DMD: variants seen among roughly 807,000 people sequenced by gnomAD.
DMD encodes dystrophin.
In DMD, 63 loss-of-function variants were observed where a neutral mutation model predicts 330.1. The observed-to-expected ratio is 0.19, with a 90% CI of 0.16 to 0.24. The LOEUF is 0.24. Among genes scored for constraint, DMD ranks in the 10% least tolerant of loss-of-function variants. The pLI, the probability that DMD is intolerant of heterozygous loss-of-function variation, is 1.00. For missense variants in DMD, 3,344 were observed against 2,684.1 expected, an observed-to-expected ratio of 1.25 and a Z score of -5.43; for synonymous variants, 1,223 against 959.8, an observed-to-expected ratio of 1.27 and a Z score of -5.07.
At chrX:31,541,422 T>C (rs939816012) in intron 55 of DMD, among the ~76,000 whole-genome samples, 1 of 109,621 alleles carries the variant, frequency 9.1e-6, no homozygotes, top group East Asian at 2.9e-4. Context: ...ATGTGCCATG[T>C]TGGTGTGCTG....
chrX:31,276,554 AAC>A lies in DMD; in HGVS notation c.9225-15540_9225-15539del, dbSNP rs776462887. The stretch of plus-strand genomic sequence containing the variant: ...TGTTTGGAAGAATGTACAGAAGCTG[AAC>A]ACACACAGACCCTATAACCCAGAAA... On this transcript the variant is annotated intron_variant, in intron 62 of 78. Coordinates refer to ENST00000357033, the MANE Select transcript of DMD (RefSeq NM_004006.3). Among the ~76,000 whole-genome samples the A allele has an allele frequency of 8.9e-5, 10 of 112,310 alleles. No individual in the cohort carries two copies. In the East Asian group the frequency reaches 2.8e-3, roughly 31 times the overall value.
In DMD at chrX:31,521,604, A is replaced by T. The variant is rs1056331700; in HGVS notation, c.8218-14151T>A. 4.5e-5 allele frequency among the ~76,000 whole-genome samples: 5 copies of T among 112,153 alleles called. No individual in the cohort carries two copies. In the East Asian group the frequency reaches 8.4e-4, roughly 19 times the overall value. On this transcript the variant is annotated intron_variant, in intron 55 of 78. Transcript: ENST00000357033. The stretch of plus-strand genomic sequence containing the variant: ...AGCCTCATGGTGACCCAAACAGAGA[A>T]TTGTTAACTAAGTCATGTCCATAGT...
Position 31,133,981 on chromosome X carries a change from C to T in DMD, c.11014+121G>A. 6.6e-6 allele frequency: 4 copies of T among 605,303 alleles called. No homozygotes were observed. In the South Asian group the frequency reaches 9.8e-5, roughly 15 times the overall value. The allele number at this position is 605,303 out of a possible 1,213,427, so 49.9% of individuals were successfully genotyped here. ...AAATCAAATCTTTTCACCATGGACC[C>T]AAATTGCCATTCTGATACTGCGTGT... On this transcript the variant is annotated intron_variant, in intron 77 of 78. Transcript: ENST00000357033.
chrX:32,699,573 C>A (rs1485723127), intron 7 of DMD, among the ~76,000 whole-genome samples: 2 of 111,501 alleles, frequency 1.8e-5, no homozygotes, highest in Non-Finnish European at 1.9e-5. Flanking sequence ...GCCAAACTAG[C>A]CCATCTAACA....
chrX:31,231,277 T>G (rs1407534124), intron 63 of DMD, among the ~76,000 whole-genome samples: 1 of 110,934 alleles, frequency 9.0e-6, no homozygotes, highest in Non-Finnish European at 1.9e-5. Flanking sequence ...TATATTATTT[T>G]AAATACATTT....
At chrX:33,075,007 T>C (rs185152421) in intron 1 of DMD, among the ~76,000 whole-genome samples, 98 of 111,715 alleles carry the variant, frequency 8.8e-4, no homozygotes, top group African/African-American at 2.9e-3. Flanking sequence ...GCTAGGAGGA[T>C]AGGGGAAACT....
intron 68 of DMD, among the ~76,000 whole-genome samples, chrX:31,181,128 A>C (rs957353116): frequency 6.2e-5 from 7 of 112,066 alleles, no homozygotes; most frequent in Non-Finnish European, 1.1e-4. Flanking sequence ...GATTAGATGG[A>C]AGAATTTATA....
At chrX:32,680,154 C>A (rs937364476) in intron 9 of DMD, among the ~76,000 whole-genome samples, 1 of 108,745 alleles carries the variant, frequency 9.2e-6, no homozygotes, top group Non-Finnish European at 1.9e-5. Flanking sequence ...ACTCATGATC[C>A]GCCTGCTTCG....
At chrX:32,645,227 C>A in intron 9 of DMD, 75 bp from the exon 10 acceptor site, 3 of 1,063,049 alleles carry the variant, frequency 2.8e-6, no homozygotes, top group Non-Finnish European at 2.6e-6. Context: ...AATGATGAAT[C>A]GAATGAAATA....
intron 55 of DMD, among the ~76,000 whole-genome samples, chrX:31,560,286 C>T (rs1392165201): frequency 8.9e-6 from 1 of 111,800 alleles, no homozygotes; most frequent in African/African-American, 3.3e-5. Flanking sequence ...TATGTCAAGG[C>T]TTCAATCACA....
At chrX:32,260,553 T>A (rs375288304) in intron 43 of DMD, among the ~76,000 whole-genome samples, 18 of 111,678 alleles carry the variant, frequency 1.6e-4, no homozygotes, top group Non-Finnish European at 3.2e-4. Context: ...TCCTAATTTA[T>A]GCCAATTACA....
chrX:32,268,223 G>C (rs180896032), intron 43 of DMD, among the ~76,000 whole-genome samples: 2 of 111,318 alleles, frequency 1.8e-5, no homozygotes, highest in African/African-American at 6.6e-5. Flanking sequence ...GGACACTCCA[G>C]GGTACTCTGG....
intron 1 of DMD, among the ~76,000 whole-genome samples, chrX:33,141,045 T>G: frequency 8.9e-6 from 1 of 111,948 alleles, no homozygotes; most frequent in Middle Eastern, 4.6e-3. Context: ...ACATTTTAAG[T>G]GATATAAATC....
At chrX:33,078,021 G>T (rs1257330439) in intron 1 of DMD, among the ~76,000 whole-genome samples, 1 of 111,893 alleles carries the variant, frequency 8.9e-6, no homozygotes, top group Non-Finnish European at 1.9e-5. Context: ...GGCTTTGATG[G>T]AACTCTGTTC....
chrX:31,971,868 A>G (rs1308465511), intron 44 of DMD, among the ~76,000 whole-genome samples: 1 of 111,824 alleles, frequency 8.9e-6, no homozygotes, highest in Non-Finnish European at 1.9e-5. Context: ...ATTCTTATCT[A>G]TTTCTCTGGC....
At chrX:32,494,548 G>T (rs936739076) in intron 19 of DMD, among the ~76,000 whole-genome samples, 5 of 110,970 alleles carry the variant, frequency 4.5e-5, no homozygotes, top group Non-Finnish European at 7.5e-5. Flanking sequence ...ATGAAATGAG[G>T]ATTAAAAATA....
At chrX:32,213,969 C>CAA (rs1220301857) in intron 44 of DMD, among the ~76,000 whole-genome samples, 1 of 95,463 alleles carries the variant, frequency 1.0e-5, no homozygotes, top group Non-Finnish European at 2.1e-5. Context: ...AATTCCATCT[C>CAA]AAAAAAAAAA....
chrX:32,528,123 C>G (rs1445905423), intron 17 of DMD, among the ~76,000 whole-genome samples: 2 of 111,232 alleles, frequency 1.8e-5, no homozygotes, highest in Non-Finnish European at 3.8e-5. Flanking sequence ...AACCTGGCCA[C>G]CATGACGAAA....
intron 19 of DMD, among the ~76,000 whole-genome samples, chrX:32,499,804 T>C (rs892268558): frequency 2.7e-5 from 3 of 111,281 alleles, no homozygotes; most frequent in Non-Finnish European, 5.7e-5. Flanking sequence ...GAAATACACC[T>C]GAAGGGGTAC....
Sources: gnomAD v4.1 joint callset for allele counts (sites outside exome capture counted in the v4.1 genomes callset) on GRCh38, gnomAD v4.1.1 for gene constraint, MANE v1.5 for transcripts, NCBI Gene and HGNC (gene_info 2026-07-23, HGNC 2026-07-21) for gene names.